Variants in NIN observed in about 807,000 individuals in gnomAD.
The protein encoded by NIN is glycogen synthase kinase 3 beta-interacting protein.
Under a neutral mutation model 257.6 loss-of-function variants are expected in NIN, and 137 were observed. The ratio of observed to expected loss-of-function variants is 0.53; its 90% CI spans 0.46 to 0.61. The LOEUF is 0.61. Ranked by LOEUF, NIN falls within the 20% of genes least tolerant of loss-of-function variation. The probability of loss-of-function intolerance (pLI) is 0.00; values close to 1 mark genes in which losing one functional copy is unlikely to be tolerated. For missense variants in NIN, 2,439 were observed against 2,501.2 expected, an observed-to-expected ratio of 0.98 and a Z score of 0.53; for synonymous variants, 918 against 919.8, an observed-to-expected ratio of 1.00 and a Z score of 0.04.
intron 29 of NIN, 50 bp downstream of exon 29, chr14:50,729,473 A>G (rs772684537): frequency 6.5e-7 from 1 of 1,542,366 alleles, no homozygotes; most frequent in Non-Finnish European, 8.8e-7. Context: ...ACTTTCAAAT[A>G]AACAGGTAAA....
intron 21 of NIN, 102 bp from the exon 22 acceptor site, chr14:50,748,207 C>T: frequency 1.5e-6 from 1 of 663,710 alleles, no homozygotes; most frequent in South Asian, 1.8e-5. Context: ...GTAATATGAA[C>T]TCAATGACAC....
intron 16 of NIN, among the ~76,000 whole-genome samples, chr14:50,760,780 C>A (rs889186759): frequency 6.6e-6 from 1 of 152,122 alleles, no homozygotes; most frequent in Admixed American, 6.5e-5. Context: ...TCAAGCAATC[C>A]TCCCACCTCA....
chr14:50,758,119 T>C lies in NIN; in HGVS notation c.2911A>G (p.Arg971Gly). 1 of 1,614,212 alleles carries C rather than the reference T, an allele frequency of 6.2e-7. No individual in the cohort carries two copies. Among genetic ancestry groups the C allele is most frequent in the Non-Finnish European group, 8.5e-7 (1 of 1,180,034 alleles). The change falls in exon 18 of 31, where the codon AGA becomes GGA. Residue 971 changes from arginine (R) to glycine (G), a missense_variant. Transcript: ENST00000530997. ...SEQLASQRLE[R>G]LEMEHDQERQ... ...TCCTGGTCATGTTCCATTTCTAGTC[T>C]TTCCAGCCGCTGGCTGGCCAGCTGC...
At chr14:50,761,570 C>T (rs2140878620) in intron 16 of NIN, among the ~76,000 whole-genome samples, 1 of 152,254 alleles carries the variant, frequency 6.6e-6, no homozygotes, top group South Asian at 2.1e-4. Flanking sequence ...GGGTTTCAAG[C>T]TTCAAGTTCC....
chr14:50,732,395 C>T (rs985673676), intron 28 of NIN, among the ~76,000 whole-genome samples: 3 of 152,120 alleles, frequency 2.0e-5, no homozygotes, highest in Non-Finnish European at 2.9e-5. Flanking sequence ...ACTGTGCATC[C>T]CCCAAATTAA....
intron 5 of NIN, among the ~76,000 whole-genome samples, chr14:50,785,299 C>T (rs1566844775): frequency 6.6e-6 from 1 of 152,216 alleles, no homozygotes; most frequent in South Asian, 2.1e-4. Context: ...GTGGCCCCTG[C>T]CCACAATAGC....
intron 4 of NIN, among the ~76,000 whole-genome samples, chr14:50,798,426 G>C (rs1393783968): frequency 6.6e-6 from 1 of 152,174 alleles, no homozygotes; most frequent in Non-Finnish European, 1.5e-5. Flanking sequence ...CCCCCCGAAG[G>C]TGCCTAAGCT....
chr14:50,796,249 A>T (rs140524447), intron 4 of NIN, among the ~76,000 whole-genome samples: 12 of 152,326 alleles, frequency 7.9e-5, no homozygotes, highest in African/African-American at 2.9e-4. Context: ...AAAGCTTATT[A>T]TGAGACACAC....
chr14:50,819,130 TATTTG>T (rs1566880964), intron 3 of NIN, among the ~76,000 whole-genome samples: 1 of 152,212 alleles, frequency 6.6e-6, no homozygotes, highest in Non-Finnish European at 1.5e-5. Flanking sequence ...TTAGAAGTTG[TATTTG>T]ATTTAAAAAT....
intron 28 of NIN, among the ~76,000 whole-genome samples, chr14:50,731,554 G>C (rs1463666005): frequency 1.3e-5 from 2 of 149,942 alleles, no homozygotes; most frequent in East Asian, 3.9e-4. Flanking sequence ...AAAAAAATTA[G>C]GTCGCGTATG....
intron 7 of NIN, among the ~76,000 whole-genome samples, chr14:50,776,137 A>G (rs886867250): frequency 3.9e-5 from 6 of 152,132 alleles, no homozygotes; most frequent in African/African-American, 1.4e-4. Context: ...CAAAGCGACA[A>G]CTGTAGCCCT....
At chr14:50,756,402 G>T in intron 18 of NIN, 90 bp downstream of exon 18, 1 of 1,365,096 alleles carries the variant, frequency 7.3e-7, no homozygotes, top group Non-Finnish European at 9.9e-7. Flanking sequence ...AGACTACTAG[G>T]TTAGTTTCTC....
intron 3 of NIN, among the ~76,000 whole-genome samples, chr14:50,812,338 C>G (rs1425901026): frequency 6.6e-6 from 1 of 152,216 alleles, no homozygotes; most frequent in Non-Finnish European, 1.5e-5. Flanking sequence ...CCCAGCAAGC[C>G]TGCCTGGCTC....
chr14:50,757,702 C>T lies in NIN; in HGVS notation c.3328G>A (p.Glu1110Lys). 1 of 1,614,190 alleles carries T rather than the reference C, an allele frequency of 6.2e-7. No homozygotes were observed. The highest frequency in any genetic ancestry group is 8.5e-7 in the Non-Finnish European group (1 of 1,180,032). Residue 1110 changes from glutamate (E) to lysine (K), a missense_variant, in exon 18 of 31, where the codon GAG (glutamate) becomes AAG (lysine). By Grantham distance (56) the Glu-to-Lys change is moderately conservative. Around this residue, in one of 3 missense-constraint regions of NIN, gnomAD observed 2,043 missense variants for 2,050.2 expected, o/e 1.00. Coordinates refer to ENST00000530997, the MANE Select transcript of NIN (RefSeq NM_020921.4). ...TTTCCAAAAAACTCAGTAGCTGGCT[C>T]ATCCAAACAAGAAGACATTACTAAC... ...PGLVMSSCLD[E>K]PATEFFGNTA...
At chr14:50,735,377 G>A (rs901758263) in intron 28 of NIN, 139 bp downstream of exon 28, 69 of 1,244,688 alleles carry the variant, frequency 5.5e-5, no homozygotes, top group Middle Eastern at 1.9e-4. Context: ...TTGGTAAGGC[G>A]GACCAAAGAA....
intron 16 of NIN, among the ~76,000 whole-genome samples, chr14:50,761,199 G>A (rs557767126): frequency 1.3e-5 from 2 of 152,180 alleles, no homozygotes; most frequent in African/African-American, 4.8e-5. Flanking sequence ...TCACATTTTA[G>A]TTGGAGAAAT....
rs1291356315 is a variant in NIN at position 50,801,156 on chromosome 14, T to A, written c.265+5581A>T. Reference sequence around the variant, plus strand: ...CTCAGGCTGGTGTGCAGTGGTGCGATCTCAGCTCACTGCAACCTCTGCCTT... The same window carrying A: ...CTCAGGCTGGTGTGCAGTGGTGCGAACTCAGCTCACTGCAACCTCTGCCTT... On this transcript the variant is annotated intron_variant, in intron 4 of 30. Coordinates refer to ENST00000530997, the MANE Select transcript of NIN (RefSeq NM_020921.4). 2.0e-5 allele frequency among the ~76,000 whole-genome samples: 3 copies of A among 147,078 alleles called. No individual in the cohort carries two copies. The East Asian group carries it at 6.0e-4, about 30-fold the overall frequency.
Position 50,792,693 on chromosome 14 carries a change from T to C in NIN, c.435+19A>G. ...TCCACACTCATGATCCAGATGAACG[T>C]GCATGCCCGATTCCTTACCTCACTG... On this transcript the variant is annotated intron_variant, in intron 5 of 30. Coordinates refer to ENST00000530997, the MANE Select transcript of NIN (RefSeq NM_020921.4). 1 of 1,614,016 alleles carries C rather than the reference T, an allele frequency of 6.2e-7. No individual in the cohort carries two copies. The highest frequency in any genetic ancestry group is 1.1e-5 in the South Asian group (1 of 91,070).
intron 21 of NIN, among the ~76,000 whole-genome samples, chr14:50,750,363 A>G (rs8015885): frequency 0.07 from 10,653 of 152,252 alleles, 1,258 homozygotes; most frequent in African/African-American, 0.24. Context: ...GCAGATCTCA[A>G]TGTAACATCA....
Sources: gnomAD v4.1 joint callset for allele counts (sites outside exome capture counted in the v4.1 genomes callset) on GRCh38, gnomAD v4.1.1 for gene constraint, gnomAD v4.1.1 regional missense constraint, MANE v1.5 for transcripts, NCBI Gene and HGNC (gene_info 2026-07-23, HGNC 2026-07-21) for gene names.